The following ZNF43 variants were observed in gnomAD, a reference collection of about 807,000 sequenced individuals.
ZNF43 encodes the protein zinc finger protein 43, also known as zinc finger protein 39-like 1 (KOX 27).
A neutral mutation model predicts 68.4 loss-of-function variants in ZNF43; 44 were observed. That is an observed-to-expected ratio of 0.64 (90% confidence interval 0.51 to 0.83). ZNF43 has a LOEUF of 0.83. Ranked by LOEUF, ZNF43 falls within the 40% of genes least tolerant of loss-of-function variation. The pLI is 0.00. For missense variants in ZNF43, 896 were observed against 933.2 expected, an observed-to-expected ratio of 0.96 and a Z score of 0.52; for synonymous variants, 308 against 307.8, an observed-to-expected ratio of 1.00 and a Z score of -0.01.
chr19:21,811,946 A>T (rs2037294144), intron 3 of ZNF43: 1 of 396,384 alleles, frequency 2.5e-6, no homozygotes, highest in Non-Finnish European at 4.5e-6. Flanking sequence ...ATTTTCTTAG[A>T]CACAACCTTA....
chr19:21,810,790 A>G (rs1169002547), intron 3 of ZNF43, among the ~76,000 whole-genome samples: 1 of 151,990 alleles, frequency 6.6e-6, no homozygotes, highest in Non-Finnish European at 1.5e-5. Context: ...TCTACAAATA[A>G]TAATAAAAAA....
At chr19:21,847,881 T>G (rs934583478) in intron 1 of ZNF43, among the ~76,000 whole-genome samples, 1 of 152,184 alleles carries the variant, frequency 6.6e-6, no homozygotes, top group African/African-American at 2.4e-5. Context: ...TCACCCAGGC[T>G]GGAGTGTAGT....
chr19:21,817,732 T>C (rs2037597945), intron 3 of ZNF43, among the ~76,000 whole-genome samples, 156 bp downstream of exon 3: 1 of 152,202 alleles, frequency 6.6e-6, no homozygotes, highest in South Asian at 2.1e-4. Context: ...AGACAGAAGA[T>C]ACCCTTGTGT....
rs1254347842 is a variant in ZNF43, at chr19:21,827,627, G to A, written c.4-8406C>T. On this transcript the variant is annotated intron_variant, in intron 1 of 3. Transcript: ENST00000354959. ...TCCACCCACCTTGGCCTCCCAAAGT[G>A]CTGGGATTACAGGTGTGAGCTACTG... Among the ~76,000 whole-genome samples the A allele has an allele frequency of 2.0e-5, 3 of 150,636 alleles. No individual in the cohort carries two copies. The East Asian group carries it at 5.9e-4, about 30-fold the overall frequency.
chr19:21,817,121 A>G (rs2037566125), intron 3 of ZNF43, among the ~76,000 whole-genome samples: 2 of 152,064 alleles, frequency 1.3e-5, no homozygotes, highest in South Asian at 4.2e-4. Flanking sequence ...ATGGGCCTGT[A>G]ATCCCATCTA....
chr19:21,815,218 T>C lies in ZNF43; in HGVS notation c.229+2670A>G, dbSNP rs546620780. Among the ~76,000 whole-genome samples the C allele has an allele frequency of 2.0e-4, 30 of 151,980 alleles. No individual in the cohort carries two copies. The South Asian group carries it at 5.8e-3, about 30-fold the overall frequency. Reference sequence around the variant, plus strand: ...AAAAAAAAAAATCTGGTATGCAACATTGATGCACCATTAAAGAAGAATTTG... The same window carrying C: ...AAAAAAAAAAATCTGGTATGCAACACTGATGCACCATTAAAGAAGAATTTG... On this transcript the variant is annotated intron_variant, in intron 3 of 3. Coordinates refer to ENST00000354959, the MANE Select transcript of ZNF43 (RefSeq NM_003423.4).
intron 1 of ZNF43, among the ~76,000 whole-genome samples, chr19:21,824,299 T>G (rs557996931): frequency 6.6e-6 from 1 of 152,148 alleles, no homozygotes; most frequent in Admixed American, 6.5e-5. Context: ...AGTATCGTAT[T>G]TTATGGGTAG....
intron 1 of ZNF43, chr19:21,841,674 A>G (rs979121297): frequency 6.6e-6 from 1 of 152,218 alleles, no homozygotes; most frequent in Non-Finnish European, 1.5e-5. Context: ...TGAGCCACTG[A>G]TGTGTCATAA....
chr19:21,809,945 A>G, intron 3 of ZNF43, 138 bp from the exon 4 acceptor site: 1 of 836,774 alleles, frequency 1.2e-6, no homozygotes, highest in Non-Finnish European at 1.7e-6. Flanking sequence ...TTATTTATAG[A>G]CATATAAATG....
At chr19:21,844,663 C>T (rs1053140561) in intron 1 of ZNF43, among the ~76,000 whole-genome samples, 4 of 151,076 alleles carry the variant, frequency 2.6e-5, no homozygotes, top group Admixed American at 1.3e-4. Flanking sequence ...TTTGGGAGAC[C>T]GAGGCAGGCG....
chr19:21,815,136 C>A (rs1408971768), intron 3 of ZNF43, among the ~76,000 whole-genome samples: 1 of 151,630 alleles, frequency 6.6e-6, no homozygotes, highest in African/African-American at 2.4e-5. Flanking sequence ...TTGCAGTGAG[C>A]CGAGATCATG....
intron 1 of ZNF43, chr19:21,851,806 G>T: frequency 7.6e-7 from 1 of 1,323,772 alleles, no homozygotes. Context: ...GCGGAGCTGC[G>T]CCAGCGACCA....
intron 1 of ZNF43, among the ~76,000 whole-genome samples, chr19:21,845,036 T>C (rs1967858558): frequency 6.7e-6 from 1 of 150,004 alleles, no homozygotes; most frequent in Non-Finnish European, 1.5e-5. Flanking sequence ...TCACAATCTT[T>C]TTTGAGTGCA....
intron 1 of ZNF43, among the ~76,000 whole-genome samples, chr19:21,822,722 G>A (rs2037917562): frequency 6.6e-6 from 1 of 151,910 alleles, no homozygotes; most frequent in Non-Finnish European, 1.5e-5. Context: ...GGAGAATGAC[G>A]TGAACCCAGG....
chr19:21,809,795 T>C lies in ZNF43; in HGVS notation c.242A>G (p.His81Arg), dbSNP rs1248949367. 1 of 1,555,874 alleles carries C rather than the reference T, an allele frequency of 6.4e-7. No individual in the cohort carries two copies. Among genetic ancestry groups the C allele is most frequent in the Non-Finnish European group, 8.6e-7 (1 of 1,156,470 alleles). The change falls in exon 4 of 4, where the codon CAT becomes CGT. Residue 81 changes from histidine (H) to arginine (R), a missense_variant. Transcript: ENST00000354959. ...CTCTGGCCAAAAGTCTTGGGTAAAA[T>C]GAGAACACATAACTGAAAAAAATAA... ...MVAKPPVMCS[H>R]FTQDFWPEQH...
chr19:21,836,176 C>G lies in ZNF43; in HGVS notation c.-138G>C. 1 of 1,537,094 alleles carries G rather than the reference C, an allele frequency of 6.5e-7. No homozygotes were observed. The highest frequency in any genetic ancestry group is 8.8e-7 in the Non-Finnish European group (1 of 1,140,084). On this transcript the variant is annotated 5_prime_UTR_variant, in exon 1 of 4. Coordinates refer to ENST00000354959, the MANE Select transcript of ZNF43 (RefSeq NM_003423.4). ...CGAGACGCAGAGCTCCAACTGCAGC[C>G]AGAGACAAAGGCCCCGCCACATCCC...
chr19:21,847,422 C>T (rs1419844010), intron 1 of ZNF43, among the ~76,000 whole-genome samples: 6 of 152,086 alleles, frequency 3.9e-5, no homozygotes, highest in African/African-American at 1.2e-4. Context: ...ACTGGTCAGG[C>T]GCGGTGGCTC....
intron 3 of ZNF43, among the ~76,000 whole-genome samples, chr19:21,812,595 C>G (rs2037331618): frequency 1.3e-5 from 2 of 152,040 alleles, no homozygotes. Flanking sequence ...CACCTATCAC[C>G]CATTTAGAAT....
At chr19:21,842,207 G>A (rs78304299) in intron 1 of ZNF43, among the ~76,000 whole-genome samples, 1 of 151,882 alleles carries the variant, frequency 6.6e-6, no homozygotes, top group African/African-American at 2.4e-5. Context: ...TCAAGAGAAC[G>A]AGAGCATCCT....
Sources: allele counts gnomAD v4.1 joint callset (sites outside exome capture counted in the v4.1 genomes callset), GRCh38; gene constraint gnomAD v4.1.1; transcripts MANE v1.5; gene names NCBI Gene and HGNC (gene_info 2026-07-23, HGNC 2026-07-21).